The following PTPRD variants were observed in gnomAD, a reference collection of about 807,000 sequenced individuals.
PTPRD encodes the protein receptor-type tyrosine-protein phosphatase delta.
In PTPRD, 34 loss-of-function variants were observed where a neutral mutation model predicts 214.5. The observed-to-expected ratio is 0.16, with a 90% CI of 0.12 to 0.21. The LOEUF is 0.21. PTPRD is among the 10% of genes least tolerant of loss of function. The pLI is 1.00. For missense variants in PTPRD, 2,545 were observed against 2,398.7 expected (o/e 1.06, Z -1.27); for synonymous variants, 1,128 against 845.7 (o/e 1.33, Z -5.79).
intron 30 of PTPRD, among the ~76,000 whole-genome samples, chr9:8,478,516 A>G (rs1220000520): frequency 2.6e-5 from 4 of 152,164 alleles, no homozygotes; most frequent in Admixed American, 2.0e-4. Flanking sequence ...TTCTCCTAGT[A>G]TAATCTGTGT....
At chr9:9,942,268 A>G (rs1279487735) in intron 4 of PTPRD, among the ~76,000 whole-genome samples, 3 of 152,136 alleles carry the variant, frequency 2.0e-5, no homozygotes, top group Non-Finnish European at 4.4e-5. Flanking sequence ...TACCAATATT[A>G]TGGGTCTTAC....
At chr9:9,670,764 C>T (rs560755024) in intron 7 of PTPRD, among the ~76,000 whole-genome samples, 5 of 152,254 alleles carry the variant, frequency 3.3e-5, no homozygotes, top group East Asian at 1.9e-4. Context: ...GTTGAGCCTG[C>T]GGGTGCACAG....
intron 10 of PTPRD, among the ~76,000 whole-genome samples, chr9:9,034,282 G>A (rs1417675503): frequency 6.6e-6 from 1 of 152,090 alleles, no homozygotes; most frequent in Non-Finnish European, 1.5e-5. Flanking sequence ...TCTCCAGGTT[G>A]GGATTTTCCA....
At chr9:9,964,744 A>G (rs544060786) in intron 4 of PTPRD, among the ~76,000 whole-genome samples, 1 of 152,164 alleles carries the variant, frequency 6.6e-6, no homozygotes, top group Non-Finnish European at 1.5e-5. Flanking sequence ...TTTTATCTCC[A>G]TTGCTTATAA....
intron 3 of PTPRD, among the ~76,000 whole-genome samples, chr9:10,038,305 T>G (rs1431957137): frequency 6.6e-6 from 1 of 152,134 alleles, no homozygotes; most frequent in Admixed American, 6.6e-5. Flanking sequence ...AGCCATAGCT[T>G]GAATAATAAC....
intron 8 of PTPRD, among the ~76,000 whole-genome samples, chr9:9,492,954 G>A (rs1052302699): frequency 6.9e-6 from 1 of 144,340 alleles, no homozygotes; most frequent in Non-Finnish European, 1.5e-5. Flanking sequence ...CATATAAGAC[G>A]ACAAACATAC....
Position 9,473,824 on chromosome 9 carries a change from T to C in PTPRD, c.-236-76342A>G, listed in dbSNP as rs528249348. On this transcript the variant is annotated intron_variant, in intron 8 of 45. Coordinates refer to ENST00000381196, the MANE Select transcript of PTPRD (RefSeq NM_002839.4). The stretch of plus-strand genomic sequence containing the variant: ...TTTGTCCGTTTTAAAATCTTTTTTT[T>C]TTTTTTGCTGTTAAGTTTTTAAATT... Among the ~76,000 whole-genome samples, 164 of 149,008 alleles carry C rather than the reference T, an allele frequency of 1.1e-3. 1 individual carries two copies. The highest frequency in any genetic ancestry group is 3.8e-3 in the African/African-American group (154 of 40,686).
chr9:8,407,102 GA>G (rs1435130979), intron 35 of PTPRD, among the ~76,000 whole-genome samples: 1 of 152,134 alleles, frequency 6.6e-6, no homozygotes, highest in Non-Finnish European at 1.5e-5. Context: ...GGACTTACTT[GA>G]TACCTACATT....
intron 11 of PTPRD, among the ~76,000 whole-genome samples, chr9:8,789,568 G>C (rs1171898208): frequency 6.6e-6 from 1 of 152,098 alleles, no homozygotes; most frequent in Non-Finnish European, 1.5e-5. Context: ...GCTAGTTCAA[G>C]TTTAAATTCC....
intron 6 of PTPRD, among the ~76,000 whole-genome samples, chr9:9,739,340 C>T (rs531005375): frequency 6.6e-6 from 1 of 152,146 alleles, no homozygotes; most frequent in Non-Finnish European, 1.5e-5. Flanking sequence ...AGAAAGCACA[C>T]TTCTATAAGA....
At chr9:8,898,499 T>C (rs1211965479) in intron 11 of PTPRD, among the ~76,000 whole-genome samples, 1 of 152,214 alleles carries the variant, frequency 6.6e-6, no homozygotes, top group Non-Finnish European at 1.5e-5. Flanking sequence ...ATGGATTGAA[T>C]TGAATAACTA....
chr9:10,136,345 A>C (rs2098943458), intron 3 of PTPRD, among the ~76,000 whole-genome samples: 1 of 152,040 alleles, frequency 6.6e-6, no homozygotes, highest in Non-Finnish European at 1.5e-5. Context: ...AAACTAACAG[A>C]AATTTTGGAC....
At chr9:8,982,811 T>G (rs1459423483) in intron 11 of PTPRD, among the ~76,000 whole-genome samples, 1 of 152,014 alleles carries the variant, frequency 6.6e-6, no homozygotes, top group Non-Finnish European at 1.5e-5. Context: ...TTTTACAATA[T>G]TCAGAACTGC....
chr9:8,532,709 A>G (rs920412084), intron 14 of PTPRD, among the ~76,000 whole-genome samples: 2 of 152,058 alleles, frequency 1.3e-5, no homozygotes, highest in Non-Finnish European at 2.9e-5. Context: ...TGACCTTCAC[A>G]AAGCCATTTG....
At chr9:10,564,326 T>C (rs2064992787) in intron 2 of PTPRD, among the ~76,000 whole-genome samples, 1 of 151,438 alleles carries the variant, frequency 6.6e-6, no homozygotes, top group Non-Finnish European at 1.5e-5. Flanking sequence ...CATATCCGAA[T>C]TTTAAAATAG....
intron 9 of PTPRD, among the ~76,000 whole-genome samples, chr9:9,270,090 T>C (rs1254989682): frequency 6.6e-6 from 1 of 151,126 alleles, no homozygotes; most frequent in African/African-American, 2.4e-5. Flanking sequence ...ATTCTCACCA[T>C]ATACAAAAAG....
At chr9:9,440,556 T>C (rs2087193586) in intron 8 of PTPRD, among the ~76,000 whole-genome samples, 1 of 152,196 alleles carries the variant, frequency 6.6e-6, no homozygotes. Flanking sequence ...ATAACAGTTG[T>C]CACCGATAAC....
intron 9 of PTPRD, among the ~76,000 whole-genome samples, chr9:9,283,566 GAC>G: frequency 6.6e-6 from 1 of 151,612 alleles, no homozygotes; most frequent in African/African-American, 2.4e-5. Context: ...ATAGAAAAAT[GAC>G]AGTGTTCCTC....
intron 11 of PTPRD, among the ~76,000 whole-genome samples, chr9:8,759,898 C>T (rs567959898): frequency 6.6e-6 from 1 of 152,232 alleles, no homozygotes; most frequent in East Asian, 1.9e-4. Context: ...TTGTATGCTT[C>T]GATTTACTAT....
Sources: gnomAD v4.1 joint callset for allele counts (sites outside exome capture counted in the v4.1 genomes callset) on GRCh38, gnomAD v4.1.1 for gene constraint, MANE v1.5 for transcripts, NCBI Gene and HGNC (gene_info 2026-07-23, HGNC 2026-07-21) for gene names.